ENTPD4: variants seen among roughly 807,000 people sequenced by gnomAD.
The protein encoded by ENTPD4 is Golgi UDPase.
ENTPD4 carries 60 observed loss-of-function variants against 79.1 expected under a neutral mutation model. That is an observed-to-expected ratio of 0.76 (90% CI 0.62 to 0.94). ENTPD4 has a LOEUF of 0.94. Ranked by LOEUF, ENTPD4 falls within the 40% of genes least tolerant of loss-of-function variation. ENTPD4 has a pLI of 0.00. For missense variants in ENTPD4, 772 were observed against 775.1 expected (o/e 1.00, Z 0.05); for synonymous variants, 276 against 292.0 (o/e 0.95, Z 0.56).
intron 1 of ENTPD4, 128 bp from the exon 2 acceptor site, chr8:23,450,125 G>A (rs1800833412): frequency 1.7e-6 from 1 of 582,996 alleles, no homozygotes; most frequent in Non-Finnish European, 3.1e-6. Flanking sequence ...GCTGTTGGAA[G>A]GGTTTATTCT....
At position 23,432,945 on chromosome 8, in the gene ENTPD4, T is replaced by C; in HGVS notation, c.1832A>G (p.Asn611Ser). 3 of 1,607,266 alleles carry C rather than the reference T, an allele frequency of 1.9e-6. No individual in the cohort carries two copies. The highest frequency in any genetic ancestry group is 2.5e-6 in the Non-Finnish European group (3 of 1,176,648). Residue 611 changes from asparagine (N) to serine (S), a missense_variant, in exon 13 of 13, where the codon AAT becomes AGT. By Grantham distance (46) the Asn-to-Ser change is conservative (BLOSUM62 1). Transcript: ENST00000358689. ...LWMEEGLPAQ[N>S]APGTL is the part of the protein sequence containing the mutation. Reference sequence around the variant, plus strand: ...GCTGGATCACAAGGTCCCCGGGGCATTCTGGGCGGGAAGGCCCTCCTCCAT... The same window carrying C: ...GCTGGATCACAAGGTCCCCGGGGCACTCTGGGCGGGAAGGCCCTCCTCCAT...
intron 6 of ENTPD4, among the ~76,000 whole-genome samples, chr8:23,442,922 T>C (rs956123889): frequency 6.6e-6 from 1 of 151,986 alleles, no homozygotes; most frequent in Non-Finnish European, 1.5e-5. Flanking sequence ...GCCAGCCAAC[T>C]GTTAACATTC....
At chr8:23,456,568 A>G (rs1196954786) in intron 1 of ENTPD4, among the ~76,000 whole-genome samples, 1 of 152,252 alleles carries the variant, frequency 6.6e-6, no homozygotes, top group Non-Finnish European at 1.5e-5. Context: ...GTAGAAGAAT[A>G]TAAGCCATAG....
intron 11 of ENTPD4, 39 bp downstream of exon 11, chr8:23,435,352 GT>G (rs1800537524): frequency 6.9e-7 from 1 of 1,458,854 alleles, no homozygotes; most frequent in Non-Finnish European, 9.6e-7. Flanking sequence ...CTGCATTATG[GT>G]TCTTAAGAGT....
chr8:23,450,220 G>A lies in ENTPD4; in HGVS notation c.-97-223C>T, dbSNP rs962243742. Among the ~76,000 whole-genome samples the A allele has an allele frequency of 8.5e-5, 13 of 152,322 alleles. No homozygotes were observed. In the South Asian group the frequency reaches 1.7e-3, roughly 19 times the overall value. ...TGATAATCGTCTGGTACTAGTTAGT[G>A]CTGTCTAACCTAAAGTGTCTGTGAC... is the stretch of plus-strand genomic sequence containing the variant. On this transcript the variant is annotated intron_variant, in intron 1 of 12. Transcript: ENST00000358689.
intron 1 of ENTPD4, among the ~76,000 whole-genome samples, chr8:23,457,351 G>T (rs1425535692): frequency 1.3e-5 from 2 of 152,088 alleles, no homozygotes; most frequent in African/African-American, 4.8e-5. Context: ...GCTCACAGGG[G>T]TTGGTCCCGG....
chr8:23,440,542 T>C (rs911647881), intron 8 of ENTPD4, among the ~76,000 whole-genome samples: 2 of 152,198 alleles, frequency 1.3e-5, no homozygotes, highest in Non-Finnish European at 2.9e-5. Context: ...TTTTACTTTA[T>C]ATTGAGAGGG....
chr8:23,440,212 A>T (rs1800643913), intron 8 of ENTPD4: 1 of 266,386 alleles, frequency 3.8e-6, no homozygotes, highest in Non-Finnish European at 7.1e-6. Flanking sequence ...ATACACCTAA[A>T]CATGGAAATG....
rs547088794 is a variant in ENTPD4, at chr8:23,457,137, A to AAAAGC, written c.-98+415_-98+419dup. ...GAAGAAATCTAACATGAAATCTGGC[A>AAAAGC]AAAGCAAAGCAAAGCGAAAACGACA... On this transcript the variant is annotated intron_variant, in intron 1 of 12. Transcript: ENST00000358689. 9.5e-3 allele frequency among the ~76,000 whole-genome samples: 1,450 copies of AAAAGC among 152,378 alleles called. 17 individuals are homozygous for AAAAGC. The highest frequency in any genetic ancestry group is 0.027 in the Middle Eastern group (8 of 294).
chr8:23,434,343 G>C lies in ENTPD4; in HGVS notation c.1596C>G (p.Leu532=), dbSNP rs777508393. Residue 532 remains leucine (L), a synonymous_variant, in exon 12 of 13, where the codon CTC becomes CTG. Coordinates refer to ENST00000358689, the MANE Select transcript of ENTPD4 (RefSeq NM_004901.5). ...KEVQWTLGAI[L]YRTRFLPLRD... ...TTAATGGTAGAAAGCGGGTCCTGTA[G>C]AGGATGGCTCCAAGGGTCCACTGAA... is the stretch of plus-strand genomic sequence containing the variant. The C allele has an allele frequency of 5.0e-6, 8 of 1,614,198 alleles. No individual in the cohort carries two copies. Among genetic ancestry groups the C allele is most frequent in the South Asian group, 1.1e-5 (1 of 91,088 alleles).
rs760143690 is a variant in ENTPD4 at position 23,435,378 on chromosome 8, C to T, written c.1460+14G>A. 1.2e-6 allele frequency: 2 copies of T among 1,603,822 alleles called. No homozygotes were observed. Among genetic ancestry groups the T allele is most frequent in the Admixed American group, 3.3e-5 (2 of 59,910 alleles). On this transcript the variant is annotated intron_variant, in intron 11 of 12. Coordinates refer to ENST00000358689, the MANE Select transcript of ENTPD4 (RefSeq NM_004901.5). ...TTCTTAAGAGTGCCCTGGGCTTGAC[C>T]TTCTAGTACTTACTTAAGCCTGTGG...
intron 2 of ENTPD4, 48 bp from the exon 3 acceptor site, chr8:23,448,987 C>T (rs998292767): frequency 7.0e-6 from 10 of 1,437,590 alleles, no homozygotes; most frequent in Non-Finnish European, 9.7e-6. Flanking sequence ...TCCAATGAGG[C>T]TTCCTTCACC....
At position 23,441,285 on chromosome 8, in the gene ENTPD4, G is replaced by A. The variant is rs893772997; in HGVS notation, c.882+284C>T. The A allele has an allele frequency of 2.9e-5, 8 of 273,718 alleles. No homozygotes were observed. In the East Asian group the frequency reaches 7.0e-4, roughly 24 times the overall value. 17.0% of individuals were successfully genotyped at this position (273,718 alleles called of 1,614,324 possible). A position where few individuals can be genotyped will look rare whatever the true frequency, so the allele number is the denominator to read the frequency against. On this transcript the variant is annotated intron_variant, in intron 8 of 12. Transcript: ENST00000358689. ...TTCATAAAACCTGTTGAGAAAAGAC[G>A]TGATTGAAGAGAAAATATAAACTGA...
Position 23,447,821 on chromosome 8 carries a change from T to A in ENTPD4, c.271A>T (p.Ile91Phe), listed in dbSNP as rs1419536433. Residue 91 changes from isoleucine to phenylalanine, a missense_variant, in exon 4 of 13, where the codon ATC becomes TTC. Coordinates refer to ENST00000358689, the MANE Select transcript of ENTPD4 (RefSeq NM_004901.5). ...DTNNPNVNYGIVVDCGSSGSR... is the reference protein window; with the variant it reads ...DTNNPNVNYGFVVDCGSSGSR... ...CCACTGCTACCACAGTCCACCACGATCCCATAGTTCACATTGGGGTTATTG... is the reference window on the plus strand; with the variant it reads ...CCACTGCTACCACAGTCCACCACGAACCCATAGTTCACATTGGGGTTATTG... 1.2e-6 allele frequency: 2 copies of A among 1,614,180 alleles called. No homozygotes were observed. Among genetic ancestry groups the A allele is most frequent in the South Asian group, 1.1e-5 (1 of 91,092 alleles).
In ENTPD4 at chr8:23,447,912, G is replaced by GATT. The variant is rs1800790875; in HGVS notation, c.207-30_207-28dup. On this transcript the variant is annotated intron_variant, in intron 3 of 12. Transcript: ENST00000358689. The stretch of plus-strand genomic sequence containing the variant: ...TTGTATAGAAACACACGTATGCTTT[G>GATT]ATTTAGACAAAGAATATCACCTGAA... 3.8e-6 allele frequency: 6 copies of GATT among 1,583,996 alleles called. No individual in the cohort carries two copies. In the African/African-American group the frequency reaches 4.0e-5, roughly 11 times the overall value.
intron 6 of ENTPD4, among the ~76,000 whole-genome samples, 173 bp from the exon 7 acceptor site, chr8:23,442,239 G>T (rs946810838): frequency 1.3e-5 from 2 of 152,132 alleles, no homozygotes; most frequent in Non-Finnish European, 2.9e-5. Flanking sequence ...GGCTTTCCAA[G>T]AACTCTCAAC....
rs565734483 is a variant in ENTPD4 at position 23,440,167 on chromosome 8, G to A, written c.883-252C>T. 2.1e-5 allele frequency: 8 copies of A among 379,778 alleles called. No individual in the cohort carries two copies. In the East Asian group the frequency reaches 3.5e-4, roughly 17 times the overall value. The allele number at this position is 379,778 out of a possible 1,614,324, so 23.5% of individuals were successfully genotyped here. ...GTCAGCAAAATAGTTCATACCCTCTGACATAATTTATTTCTGGAATCCTAT... is the reference window on the plus strand; with the variant it reads ...GTCAGCAAAATAGTTCATACCCTCTAACATAATTTATTTCTGGAATCCTAT... On this transcript the variant is annotated intron_variant, in intron 8 of 12. Transcript: ENST00000358689.
intron 2 of ENTPD4, 81 bp downstream of exon 2, chr8:23,449,812 G>T: frequency 8.0e-7 from 1 of 1,248,350 alleles, no homozygotes; most frequent in Non-Finnish European, 1.2e-6. Flanking sequence ...TTTCACTTGC[G>T]ATTTAGATTT....
At chr8:23,456,491 A>AT (rs1233333408) in intron 1 of ENTPD4, among the ~76,000 whole-genome samples, 1 of 152,214 alleles carries the variant, frequency 6.6e-6, no homozygotes, top group Admixed American at 6.5e-5. Flanking sequence ...CCTTAGATAA[A>AT]TGTTCATTTT....
Sources: allele counts gnomAD v4.1 joint callset (sites outside exome capture counted in the v4.1 genomes callset), GRCh38; gene constraint gnomAD v4.1.1; transcripts MANE v1.5; gene names NCBI Gene and HGNC (gene_info 2026-07-23, HGNC 2026-07-21).